Variants in MROH2B observed in about 807,000 individuals in gnomAD.
MROH2B encodes maestro heat like repeat family member 2B, also known as maestro heat-like repeat-containing protein family member 2B.
A neutral mutation model predicts 208.6 loss-of-function variants in MROH2B; 177 were observed. The ratio of observed to expected loss-of-function variants is 0.85; its 90% confidence interval spans 0.75 to 0.96. The LOEUF (loss-of-function observed/expected upper bound fraction) is 0.96, where lower values mean the gene tolerates loss of function less well. Among genes scored for constraint, MROH2B ranks in the 40% least tolerant of loss-of-function variants. MROH2B has a pLI of 0.00. For missense variants in MROH2B, 2,002 were observed against 1,878.7 expected, an observed-to-expected ratio of 1.07 and a Z score of -1.21; for synonymous variants, 728 against 659.0, an observed-to-expected ratio of 1.10 and a Z score of -1.60.
rs117274049 is a variant in MROH2B at position 41,028,984 on chromosome 5, A to G, written c.2441+3758T>C. ...TGGTAATTTCATTTCCTTTGGGTAT[A>G]TACACAGAAGATAAATTGCTGGGTC... On this transcript the variant is annotated intron_variant, in intron 24 of 41. Transcript: ENST00000399564. Among the ~76,000 whole-genome samples, 5 of 152,234 alleles carry G rather than the reference A, an allele frequency of 3.3e-5. No individual in the cohort carries two copies. The East Asian group carries it at 9.6e-4, about 29-fold the overall frequency.
In MROH2B at chr5:40,999,691, G is replaced by A. The variant is rs780238186; in HGVS notation, c.4571C>T (p.Ala1524Val). The A allele has an allele frequency of 1.9e-6, 3 of 1,612,376 alleles. No homozygotes were observed. The highest frequency in any genetic ancestry group is 2.2e-5 in the East Asian group (1 of 44,814). The change falls in exon 40 of 42, where the codon GCT becomes GTT. Residue 1524 changes from alanine (A) to valine (V), a missense_variant. Coordinates refer to ENST00000399564, the MANE Select transcript of MROH2B (RefSeq NM_173489.5). ...TGTGTACTCACCTGTGAGTTTGACA[G>A]CTGCACTCCTGATCACCTCCCAGGT... Reference protein sequence around the residue: ...TSTWEVIRSAAVKLTDAVVLN... With the variant: ...TSTWEVIRSAVVKLTDAVVLN...
chr5:41,061,285 AT>A (rs1743628393), intron 6 of MROH2B, among the ~76,000 whole-genome samples: 1 of 152,204 alleles, frequency 6.6e-6, no homozygotes, highest in Non-Finnish European at 1.5e-5. Context: ...ACATACTGAA[AT>A]GTCAATTTCA....
chr5:41,060,333 G>C (rs1423420), intron 6 of MROH2B, among the ~76,000 whole-genome samples: 2 of 152,064 alleles, frequency 1.3e-5, no homozygotes, highest in Non-Finnish European at 2.9e-5. Flanking sequence ...TTCTACTGCA[G>C]TACTCAAATC....
intron 18 of MROH2B, among the ~76,000 whole-genome samples, chr5:41,043,391 T>C (rs1241369444): frequency 1.3e-5 from 2 of 152,170 alleles, no homozygotes; most frequent in Admixed American, 6.5e-5. Flanking sequence ...TAAATACGAA[T>C]TGGGGACAAA....
rs770560213 is a variant in MROH2B, at chr5:41,038,728, G to A, written c.2214+8C>T. On this transcript the variant is annotated splice_region_variant and intron_variant, in intron 21 of 41. Transcript: ENST00000399564. ...TAGAAATGGAGGCAGCCATGCAACGGGCATTACCTGAGAGCACTGGCCATG... is the reference window on the plus strand; with the variant it reads ...TAGAAATGGAGGCAGCCATGCAACGAGCATTACCTGAGAGCACTGGCCATG... The A allele has an allele frequency of 1.2e-6, 2 of 1,602,718 alleles. No homozygotes were observed. The highest frequency in any genetic ancestry group is 1.7e-5 in the Admixed American group (1 of 59,046).
chr5:41,055,913 G>C, intron 9 of MROH2B, 58 bp from the exon 10 acceptor site: 1 of 1,192,608 alleles, frequency 8.4e-7, no homozygotes, highest in East Asian at 2.3e-5. Flanking sequence ...TAAAATACTT[G>C]TGAATGGGAG....
In MROH2B at chr5:41,018,358, G is replaced by A; in HGVS notation, c.2746C>T (p.Leu916=). 1 of 1,612,802 alleles carries A rather than the reference G, an allele frequency of 6.2e-7. No individual in the cohort carries two copies. The highest frequency in any genetic ancestry group is 8.5e-7 in the Non-Finnish European group (1 of 1,179,512). ...ERAFQITAKV[L]TNDIEAPENF... The stretch of plus-strand genomic sequence containing the variant: ...TTACTTACCTCAATATCATTTGTCA[G>A]CACTTTCGCAGTGATCTGGAAGGCT... Residue 916 remains leucine (L), a synonymous_variant, in exon 27 of 42, where the codon CTG becomes TTG. Transcript: ENST00000399564.
At position 40,999,762 on chromosome 5, in the gene MROH2B, T is replaced by G. The variant is rs751222799; in HGVS notation, c.4500A>C (p.Glu1500Asp). 1.5e-5 allele frequency: 25 copies of G among 1,613,344 alleles called. No individual in the cohort carries two copies. Among genetic ancestry groups the G allele is most frequent in the African/African-American group, 2.7e-5 (2 of 74,928 alleles). ...AGTGTGTGTGGAGGATCCACAGAAT[T>G]TCCTGGTTTTTCTTGGCCTAGAAGA... ...FCVKLAKKNQ[E>D]ILWILHTHSF... is the part of the protein sequence containing the mutation. The change falls in exon 40 of 42, where the codon GAA becomes GAC. Residue 1500 changes from glutamate to aspartate, a missense_variant. Glu to Asp is a conservative substitution (Grantham distance 45, BLOSUM62 2). Coordinates refer to ENST00000399564, the MANE Select transcript of MROH2B (RefSeq NM_173489.5).
At chr5:41,041,930 A>G (rs6871630) in intron 19 of MROH2B, among the ~76,000 whole-genome samples, 162 bp downstream of exon 19, 1 of 152,370 alleles carries the variant, frequency 6.6e-6, no homozygotes, top group African/African-American at 2.4e-5. Flanking sequence ...TTTAAATAGA[A>G]AAGCCTAACT....
In MROH2B at chr5:41,032,765, G is replaced by A; in HGVS notation, c.2418C>T (p.Ala806=). The change falls in exon 24 of 42, where the codon GCC becomes GCT. Residue 806 remains alanine, a synonymous_variant. Transcript: ENST00000399564. ...DSLASPIRWK[A]LIAIRYLSKL... ...ACCTGAGATACCTAATGGCGATTAA[G>A]GCTTTCCACCGAATAGGGCTAGCTA... 1 of 1,612,588 alleles carries A rather than the reference G, an allele frequency of 6.2e-7. No individual in the cohort carries two copies. The highest frequency in any genetic ancestry group is 8.5e-7 in the Non-Finnish European group (1 of 1,179,142).
intron 24 of MROH2B, among the ~76,000 whole-genome samples, chr5:41,030,365 C>G (rs1279902066): frequency 3.3e-5 from 5 of 151,814 alleles, no homozygotes; most frequent in Admixed American, 1.3e-4. Flanking sequence ...ACAATAATCC[C>G]TTTTACAACA....
rs138816420 is a variant in MROH2B at position 41,057,207 on chromosome 5, A to T, written c.850-29T>A. 6.2e-6 allele frequency: 10 copies of T among 1,613,254 alleles called. No homozygotes were observed. The Admixed American group carries it at 1.7e-4, about 27-fold the overall frequency. On this transcript the variant is annotated intron_variant, in intron 8 of 41. Coordinates refer to ENST00000399564, the MANE Select transcript of MROH2B (RefSeq NM_173489.5). ...AATGGGGGTGGAAATCAGGTGGTAG[A>T]TGTTAAACACAGAAAACCGGTTGAA... is the stretch of plus-strand genomic sequence containing the variant.
At position 41,000,780 on chromosome 5, in the gene MROH2B, G is replaced by T. The variant is rs2111786415; in HGVS notation, c.4248C>A (p.Pro1416=). Residue 1416 remains proline, a synonymous_variant, in exon 38 of 42, where the codon CCC becomes CCA. Transcript: ENST00000399564. ...TAIFLFEDLA[P]LTGRRWKIFF... ...AAATCTTCCACCTTCTTCCTGTTAG[G>T]GGTGCCAGGTCCTCAAATAAGAAGA... 1 of 1,611,532 alleles carries T rather than the reference G, an allele frequency of 6.2e-7. No individual in the cohort carries two copies. Among genetic ancestry groups the T allele is most frequent in the Non-Finnish European group, 8.5e-7 (1 of 1,178,958 alleles).
chr5:41,026,108 C>G (rs1390385274), intron 24 of MROH2B, among the ~76,000 whole-genome samples: 3 of 152,226 alleles, frequency 2.0e-5, no homozygotes, highest in African/African-American at 4.8e-5. Flanking sequence ...TGGAAGCATT[C>G]CCTTTGAAAA....
Position 40,998,174 on chromosome 5 carries a change from T to G in MROH2B, c.4652-16A>C. ...GCTTGGAGTCCTGAAATGGCAAGAA[T>G]AGCAAATAAGTGGAGGAGGAGAGTC... On this transcript the variant is annotated splice_polypyrimidine_tract_variant and intron_variant, in intron 41 of 41. Coordinates refer to ENST00000399564, the MANE Select transcript of MROH2B (RefSeq NM_173489.5). The G allele has an allele frequency of 6.3e-7, 1 of 1,592,178 alleles. No individual in the cohort carries two copies. The highest frequency in any genetic ancestry group is 8.6e-7 in the Non-Finnish European group (1 of 1,162,690).
At position 41,018,683 on chromosome 5, in the gene MROH2B, C is replaced by A; in HGVS notation, c.2673+8G>T. 1 of 1,613,208 alleles carries A rather than the reference C, an allele frequency of 6.2e-7. No individual in the cohort carries two copies. The highest frequency in any genetic ancestry group is 8.5e-7 in the Non-Finnish European group (1 of 1,179,314). Reference sequence around the variant, plus strand: ...ATGAGAATCAGTTTGAGTGGAGGCTCTACTCACATTAAACATTTCTTGACA... The same window carrying A: ...ATGAGAATCAGTTTGAGTGGAGGCTATACTCACATTAAACATTTCTTGACA... On this transcript the variant is annotated splice_region_variant and intron_variant, in intron 26 of 41. Transcript: ENST00000399564.
intron 34 of MROH2B, 95 bp from the exon 35 acceptor site, chr5:41,005,740 G>A (rs2111811531): frequency 1.9e-6 from 2 of 1,068,648 alleles, no homozygotes. Context: ...TGTCTAAAAA[G>A]GAATGCTTGG....
chr5:41,023,270 T>C (rs560538666), intron 24 of MROH2B, among the ~76,000 whole-genome samples: 4 of 152,206 alleles, frequency 2.6e-5, no homozygotes, highest in East Asian at 1.9e-4. Flanking sequence ...TTCGAACCCA[T>C]CGCAAGGAAG....
chr5:41,055,988 C>T, intron 9 of MROH2B, 133 bp from the exon 10 acceptor site: 1 of 659,032 alleles, frequency 1.5e-6, no homozygotes, highest in South Asian at 1.8e-5. Context: ...TTTATTACGT[C>T]CATGCTTCTT....
Sources: gnomAD v4.1 joint callset for allele counts (sites outside exome capture counted in the v4.1 genomes callset) on GRCh38, gnomAD v4.1.1 for gene constraint, MANE v1.5 for transcripts, NCBI Gene and HGNC (gene_info 2026-07-23, HGNC 2026-07-21) for gene names.